The following CSMD1 variants were observed in gnomAD, a reference collection of about 807,000 sequenced individuals.
CSMD1 encodes the protein CUB and Sushi multiple domains 1.
In CSMD1, 213 loss-of-function variants were observed where a neutral mutation model predicts 417.5. That is an observed-to-expected ratio of 0.51 (90% CI 0.46 to 0.57). The LOEUF (loss-of-function observed/expected upper bound fraction) is 0.57, where lower values mean the gene tolerates loss of function less well. Among genes scored for constraint, CSMD1 ranks in the 20% least tolerant of loss-of-function variants. The pLI, the probability that CSMD1 is intolerant of heterozygous loss-of-function variation, is 0.00. For missense variants in CSMD1, 6,923 were observed against 4,529.7 expected, an observed-to-expected ratio of 1.53 and a Z score of -15.17; for synonymous variants, 2,862 against 1,736.8, an observed-to-expected ratio of 1.65 and a Z score of -16.11.
intron 3 of CSMD1, among the ~76,000 whole-genome samples, chr8:4,123,855 T>C (rs1228834201): frequency 6.6e-6 from 1 of 152,162 alleles, no homozygotes; most frequent in African/African-American, 2.4e-5. Context: ...CACGGAACTT[T>C]CAACGAGATA....
rs1010412974 is a variant in CSMD1, at chr8:3,077,004, C to T, written c.7474+10093G>A. 2.1e-5 allele frequency among the ~76,000 whole-genome samples: 3 copies of T among 144,434 alleles called. No homozygotes were observed. In the Admixed American group the frequency reaches 2.1e-4, roughly 10 times the overall value. 94.8% of individuals were successfully genotyped at this position (144,434 alleles called of 152,430 possible). A position where few individuals can be genotyped will look rare whatever the true frequency, so the allele number is the denominator to read the frequency against. On this transcript the variant is annotated intron_variant, in intron 49 of 69. Transcript: ENST00000635120. ...TCACCCCTGCTCACCGTCCTTCCTT[C>T]CTCCCTGTTTTTGGAGTCCTAAGTG...
chr8:4,337,949 C>T (rs961870440), intron 3 of CSMD1, among the ~76,000 whole-genome samples: 1 of 152,118 alleles, frequency 6.6e-6, no homozygotes, highest in African/African-American at 2.4e-5. Flanking sequence ...TCGCATTTCT[C>T]AACCTTTTTA....
At chr8:3,912,448 G>C (rs1297706535) in intron 5 of CSMD1, among the ~76,000 whole-genome samples, 1 of 152,148 alleles carries the variant, frequency 6.6e-6, no homozygotes, top group Non-Finnish European at 1.5e-5. Flanking sequence ...GACCAGGGAA[G>C]ACATTCCTAA....
intron 52 of CSMD1, among the ~76,000 whole-genome samples, chr8:3,017,452 A>C (rs930275420): frequency 6.6e-6 from 1 of 152,190 alleles, no homozygotes; most frequent in Non-Finnish European, 1.5e-5. Context: ...ATATGCACAC[A>C]CTCATATATA....
intron 3 of CSMD1, among the ~76,000 whole-genome samples, chr8:4,288,644 G>T (rs1194301094): frequency 6.6e-6 from 1 of 152,152 alleles, no homozygotes; most frequent in Non-Finnish European, 1.5e-5. Flanking sequence ...CACCAACTCT[G>T]CCGCCCTCCC....
At chr8:3,884,697 A>C (rs1806436037) in intron 5 of CSMD1, among the ~76,000 whole-genome samples, 1 of 151,992 alleles carries the variant, frequency 6.6e-6, no homozygotes, top group South Asian at 2.1e-4. Flanking sequence ...TTTAGTACTA[A>C]CTCAACTGAG....
intron 5 of CSMD1, among the ~76,000 whole-genome samples, chr8:3,828,250 A>G (rs1802168458): frequency 6.6e-6 from 1 of 152,102 alleles, no homozygotes; most frequent in Non-Finnish European, 1.5e-5. Flanking sequence ...ATAAATGACA[A>G]CGTTATGTAA....
At chr8:4,113,906 C>A (rs28766110) in intron 3 of CSMD1, among the ~76,000 whole-genome samples, 1 of 152,012 alleles carries the variant, frequency 6.6e-6, no homozygotes, top group Non-Finnish European at 1.5e-5. Flanking sequence ...AAGAAAACTC[C>A]GAAGCCAGCA....
chr8:4,126,693 G>A (rs922270196), intron 3 of CSMD1, among the ~76,000 whole-genome samples: 8 of 152,152 alleles, frequency 5.3e-5, no homozygotes, highest in Middle Eastern at 3.4e-3. Context: ...ATCATTGGTT[G>A]GTTACTTCAC....
intron 10 of CSMD1, among the ~76,000 whole-genome samples, chr8:3,536,160 G>A (rs935063990): frequency 1.3e-5 from 2 of 152,178 alleles, no homozygotes; most frequent in Non-Finnish European, 2.9e-5. Context: ...TCATTACATA[G>A]GAGAGCACGG....
intron 2 of CSMD1, among the ~76,000 whole-genome samples, chr8:4,618,907 A>G (rs568120161): frequency 6.6e-6 from 1 of 152,316 alleles, no homozygotes; most frequent in South Asian, 2.1e-4. Flanking sequence ...GGCTCTAGCC[A>G]TAAACTCTTC....
At chr8:3,819,801 T>C (rs968781392) in intron 5 of CSMD1, among the ~76,000 whole-genome samples, 1 of 152,062 alleles carries the variant, frequency 6.6e-6, no homozygotes, top group Admixed American at 6.5e-5. Context: ...TTGCCTGGCC[T>C]CCCAAAGTAC....
intron 46 of CSMD1, among the ~76,000 whole-genome samples, chr8:3,106,249 T>C (rs559670921): frequency 2.1e-5 from 3 of 145,782 alleles, no homozygotes; most frequent in Admixed American, 6.9e-5. Flanking sequence ...ATCCAAAAAT[T>C]AGCCAGGCAT....
chr8:3,517,085 T>C (rs1022312377), intron 10 of CSMD1, among the ~76,000 whole-genome samples: 2 of 152,178 alleles, frequency 1.3e-5, no homozygotes, highest in African/African-American at 4.8e-5. Context: ...GGAAGGGGCA[T>C]CTGGCGGCCT....
At chr8:3,666,670 T>G (rs1798711596) in intron 7 of CSMD1, among the ~76,000 whole-genome samples, 1 of 152,170 alleles carries the variant, frequency 6.6e-6, no homozygotes, top group African/African-American at 2.4e-5. Context: ...CATACTGTTC[T>G]CATGGTAGTG....
chr8:3,265,220 T>C (rs1235808418), intron 26 of CSMD1, among the ~76,000 whole-genome samples: 4 of 151,958 alleles, frequency 2.6e-5, no homozygotes, highest in Non-Finnish European at 1.5e-5. Flanking sequence ...CACAGACACA[T>C]AACGAAGAAA....
intron 3 of CSMD1, among the ~76,000 whole-genome samples, chr8:4,212,122 A>C (rs149525232): frequency 1.4e-4 from 21 of 151,760 alleles, no homozygotes; most frequent in African/African-American, 4.8e-4. Flanking sequence ...AAGACCATGT[A>C]GGAGAAGAAG....
intron 49 of CSMD1, among the ~76,000 whole-genome samples, chr8:3,080,344 G>T (rs537028071): frequency 2.0e-5 from 3 of 152,324 alleles, no homozygotes; most frequent in Admixed American, 2.0e-4. Flanking sequence ...TTGCTTTAAG[G>T]CAGGAAATGA....
At chr8:4,978,980 G>A (rs1810723264) in intron 1 of CSMD1, among the ~76,000 whole-genome samples, 1 of 152,166 alleles carries the variant, frequency 6.6e-6, no homozygotes, top group African/African-American at 2.4e-5. Flanking sequence ...TAACTCTGGA[G>A]AAAGTAGTAG....
Sources: gnomAD v4.1 joint callset for allele counts (sites outside exome capture counted in the v4.1 genomes callset) on GRCh38, gnomAD v4.1.1 for gene constraint, MANE v1.5 for transcripts, NCBI Gene and HGNC (gene_info 2026-07-23, HGNC 2026-07-21) for gene names.